EIPR1: variants seen among roughly 807,000 people sequenced by gnomAD.
The protein encoded by EIPR1 is EARP and GARP complex-interacting protein 1.
A neutral mutation model predicts 48.1 loss-of-function variants in EIPR1; 25 were observed. The observed-to-expected ratio is 0.52, with a 90% CI of 0.38 to 0.73. EIPR1 has a LOEUF of 0.73. EIPR1 is among the 30% of genes least tolerant of loss of function. EIPR1 has a pLI of 0.00. For missense variants in EIPR1, 415 were observed against 506.2 expected, an observed-to-expected ratio of 0.82 and a Z score of 1.73; for synonymous variants, 204 against 201.9, an observed-to-expected ratio of 1.01 and a Z score of -0.09.
At chr2:3,360,956 GGAAGA>G (rs1248634206) in intron 1 of EIPR1, among the ~76,000 whole-genome samples, 2 of 151,918 alleles carry the variant, frequency 1.3e-5, no homozygotes, top group African/African-American at 4.8e-5. Flanking sequence ...GGAGGAGGGA[GGAAGA>G]GAAGAGAAGA....
chr2:3,240,683 G>A (rs879595972), intron 4 of EIPR1, among the ~76,000 whole-genome samples: 4 of 6,320 alleles, frequency 6.3e-4, no homozygotes, highest in Admixed American at 2.5e-3. Flanking sequence ...CAGTGAGCAG[G>A]TCCCTCCTAA....
chr2:3,252,686 G>A lies in EIPR1; in HGVS notation c.416+4613C>T, dbSNP rs370617087. Among the ~76,000 whole-genome samples, 5 of 152,174 alleles carry A rather than the reference G, an allele frequency of 3.3e-5. No homozygotes were observed. In the South Asian group the frequency reaches 6.2e-4, roughly 19 times the overall value. On this transcript the variant is annotated intron_variant, in intron 4 of 8. Transcript: ENST00000382125. ...CTTGAGAGGGAAGGGTTAACCAGGC[G>A]AGGCTGAGACAGGAGCGTCTAAGTG...
intron 3 of EIPR1, among the ~76,000 whole-genome samples, chr2:3,260,119 A>G (rs1667280922): frequency 6.6e-6 from 1 of 152,232 alleles, no homozygotes; most frequent in Admixed American, 6.5e-5. Context: ...AAAAGACCCT[A>G]TTAATTGGAC....
At chr2:3,321,703 T>C (rs969238781) in intron 3 of EIPR1, among the ~76,000 whole-genome samples, 1 of 152,198 alleles carries the variant, frequency 6.6e-6, no homozygotes, top group Non-Finnish European at 1.5e-5. Context: ...TGTTAATCTG[T>C]AGAGGAGGAT....
intron 4 of EIPR1, among the ~76,000 whole-genome samples, chr2:3,244,928 T>G (rs573357760): frequency 1.3e-5 from 2 of 152,312 alleles, no homozygotes; most frequent in Non-Finnish European, 2.9e-5. Context: ...TAATGGAAAT[T>G]GAACTAAAAT....
chr2:3,373,999 CA>C (rs1450683091), intron 1 of EIPR1, among the ~76,000 whole-genome samples: 1 of 146,016 alleles, frequency 6.8e-6, no homozygotes, highest in Non-Finnish European at 1.5e-5. Context: ...CTACAGTAAC[CA>C]AAACAGCATG....
rs1668183319 is a variant in EIPR1, at chr2:3,286,289, C to T, written c.260-28834G>A. Among the ~76,000 whole-genome samples the T allele has an allele frequency of 2.0e-5, 3 of 152,206 alleles. No homozygotes were observed. Among genetic ancestry groups the T allele is most frequent in the Non-Finnish European group, 1.5e-5 (1 of 68,030 alleles). On this transcript the variant is annotated intron_variant, in intron 3 of 8. Transcript: ENST00000382125. The surrounding 1 kb of genome is among the most constrained non-coding windows in gnomAD (Gnocchi z 4.2). ...AGGGTGATTCGACAACTGCCGTCAC[C>T]GTGCCTGCCTGTGTATGACGTGTAC...
At chr2:3,329,985 G>A (rs950696592) in intron 3 of EIPR1, among the ~76,000 whole-genome samples, 4 of 141,432 alleles carry the variant, frequency 2.8e-5, no homozygotes, top group South Asian at 4.6e-4. Context: ...TAATGATCTC[G>A]AGGTGCCAGC....
chr2:3,284,096 C>A (rs1386508544), intron 3 of EIPR1, among the ~76,000 whole-genome samples: 1 of 152,200 alleles, frequency 6.6e-6, no homozygotes, highest in African/African-American at 2.4e-5. Flanking sequence ...CCCACAGGCA[C>A]AGAAGGCCGC....
chr2:3,354,066 G>C (rs1350650968), intron 2 of EIPR1, among the ~76,000 whole-genome samples: 1 of 152,168 alleles, frequency 6.6e-6, no homozygotes, highest in Non-Finnish European at 1.5e-5. Context: ...GATCTCCTAA[G>C]TGTCCGCTAC....
chr2:3,285,610 C>G (rs1395665031), intron 3 of EIPR1, among the ~76,000 whole-genome samples: 1 of 152,242 alleles, frequency 6.6e-6, no homozygotes. Context: ...GGAGCCTCAG[C>G]TTCTGATGCT....
chr2:3,235,155 G>A (rs1160088456), intron 4 of EIPR1, among the ~76,000 whole-genome samples: 1 of 152,200 alleles, frequency 6.6e-6, no homozygotes, highest in Non-Finnish European at 1.5e-5. Flanking sequence ...AAAAGAAAAT[G>A]ACAACCTCTG....
chr2:3,325,317 C>T (rs1278182198), intron 3 of EIPR1, among the ~76,000 whole-genome samples: 1 of 152,226 alleles, frequency 6.6e-6, no homozygotes, highest in African/African-American at 2.4e-5. Context: ...GGAGGTGCAT[C>T]TCCAGGTTGT....
chr2:3,295,271 C>CAT (rs1196751492), intron 3 of EIPR1, among the ~76,000 whole-genome samples: 11 of 139,392 alleles, frequency 7.9e-5, no homozygotes, highest in South Asian at 2.5e-4. Context: ...TCTCTCCACA[C>CAT]ACACCCTCCA....
chr2:3,285,250 C>T (rs1044406812), intron 3 of EIPR1, among the ~76,000 whole-genome samples: 27 of 151,816 alleles, frequency 1.8e-4, no homozygotes, highest in Non-Finnish European at 3.1e-4. Context: ...CCAAGCACAC[C>T]CTGGAGCAAA....
intron 2 of EIPR1, among the ~76,000 whole-genome samples, chr2:3,348,680 AGCGCAG>A (rs1670475917): frequency 6.6e-6 from 1 of 152,260 alleles, no homozygotes; most frequent in Non-Finnish European, 1.5e-5. Context: ...TCAGAAAGAT[AGCGCAG>A]CTGCATTATG....
chr2:3,365,964 G>T lies in EIPR1; in HGVS notation c.43-11331C>A, dbSNP rs577170811. ...CAGCCGCCCAGTCCGGGAGGGAGGT[G>T]GGGGGGTCAGCCCCCCGCCCGGCCA... On this transcript the variant is annotated intron_variant, in intron 1 of 8. Coordinates refer to ENST00000382125, the MANE Select transcript of EIPR1 (RefSeq NM_003310.5). 7.2e-4 allele frequency among the ~76,000 whole-genome samples: 31 copies of T among 43,056 alleles called. No homozygotes were observed. The South Asian group carries it at 0.018, about 25-fold the overall frequency. 28.2% of individuals were successfully genotyped at this position (43,056 alleles called of 152,430 possible).
intron 1 of EIPR1, 144 bp from the exon 2 acceptor site, chr2:3,354,777 ATATG>A (rs1227824961): frequency 7.4e-6 from 6 of 810,834 alleles, no homozygotes; most frequent in Non-Finnish European, 1.2e-5. Flanking sequence ...CAATTTAGAA[ATATG>A]TATTAAATGC....
In EIPR1 at chr2:3,200,407, C is replaced by T. The variant is rs941270512; in HGVS notation, c.517-3390G>A. On this transcript the variant is annotated intron_variant, in intron 5 of 8. Transcript: ENST00000382125. ...TTTACGATATCCCTGGTAAACTATC[C>T]GCTCTACTGTCGTATGTGCCAAGGG... Among the ~76,000 whole-genome samples the T allele has an allele frequency of 8.5e-5, 13 of 152,184 alleles. 1 individual carries two copies. The highest frequency in any genetic ancestry group is 4.1e-4 in the South Asian group (2 of 4,834).
Sources: gnomAD v4.1 joint callset for allele counts (sites outside exome capture counted in the v4.1 genomes callset) on GRCh38, gnomAD v4.1.1 for gene constraint, Gnocchi (gnomAD v3.1) non-coding constraint, MANE v1.5 for transcripts, NCBI Gene and HGNC (gene_info 2026-07-23, HGNC 2026-07-21) for gene names.